NTM: variants seen among roughly 807,000 people sequenced by gnomAD.
NTM encodes IgLON family member 2.
NTM carries 13 observed loss-of-function variants against 42.1 expected under a neutral mutation model. The observed-to-expected ratio is 0.31, with a 90% CI of 0.20 to 0.49. NTM has a LOEUF of 0.49. Among genes scored for constraint, NTM ranks in the 20% least tolerant of loss-of-function variants. The pLI, the probability that NTM is intolerant of heterozygous loss-of-function variation, is 0.99. For missense variants in NTM, 373 were observed against 452.8 expected, an observed-to-expected ratio of 0.82 and a Z score of 1.60; for synonymous variants, 187 against 179.2, an observed-to-expected ratio of 1.04 and a Z score of -0.35.
At chr11:132,216,273 T>C (rs1464601383) in intron 4 of NTM, among the ~76,000 whole-genome samples, 2 of 152,214 alleles carry the variant, frequency 1.3e-5, no homozygotes, top group Admixed American at 1.3e-4. Context: ...TATTGTTATG[T>C]TACCAGTTTC....
intron 1 of NTM, among the ~76,000 whole-genome samples, chr11:131,825,992 A>C (rs927102861): frequency 6.6e-6 from 1 of 152,180 alleles, no homozygotes; most frequent in Non-Finnish European, 1.5e-5. Flanking sequence ...TTAATGCATA[A>C]ATTAAACCAT....
At chr11:131,818,371 A>G (rs922287629) in intron 1 of NTM, among the ~76,000 whole-genome samples, 2 of 152,186 alleles carry the variant, frequency 1.3e-5, no homozygotes, top group Non-Finnish European at 2.9e-5. Flanking sequence ...GACATAGACT[A>G]AAATCTCAAC....
At chr11:132,197,492 G>A (rs2080440749) in intron 3 of NTM, among the ~76,000 whole-genome samples, 1 of 151,632 alleles carries the variant, frequency 6.6e-6, no homozygotes, top group South Asian at 2.1e-4. Flanking sequence ...AAAGAGAGAT[G>A]TTTATTGATT....
intron 8 of NTM, among the ~76,000 whole-genome samples, chr11:132,334,565 GAC>G (rs1565509298): frequency 6.6e-6 from 1 of 152,226 alleles, no homozygotes; most frequent in African/African-American, 2.4e-5. Flanking sequence ...GCAGCAGGCA[GAC>G]ACATTGTTTT....
At chr11:131,551,453 C>A (rs1220648688) in intron 1 of NTM, among the ~76,000 whole-genome samples, 2 of 150,912 alleles carry the variant, frequency 1.3e-5, no homozygotes, top group African/African-American at 4.9e-5. Flanking sequence ...TTGCAATGAA[C>A]CTGGTATCTA....
intron 1 of NTM, among the ~76,000 whole-genome samples, chr11:131,767,906 G>A (rs959331114): frequency 3.9e-5 from 6 of 152,094 alleles, no homozygotes; most frequent in Non-Finnish European, 5.9e-5. Context: ...TCATTTGTAA[G>A]GTAGTTTTAG....
chr11:131,963,508 C>T (rs2062457883), intron 2 of NTM, among the ~76,000 whole-genome samples: 1 of 152,182 alleles, frequency 6.6e-6, no homozygotes, highest in Admixed American at 6.5e-5. Flanking sequence ...CCTCTTCTTG[C>T]AATATGTGCA....
In NTM at chr11:132,314,579, A is replaced by T; in HGVS notation, c.810A>T (p.Lys270Asn). 1 of 1,613,220 alleles carries T rather than the reference A, an allele frequency of 6.2e-7. No individual in the cohort carries two copies. The highest frequency in any genetic ancestry group is 8.5e-7 in the Non-Finnish European group (1 of 1,179,634). Residue 270 changes from lysine to asparagine, a missense_variant, in exon 7 of 9, where the codon AAA (lysine) becomes AAT (asparagine). Coordinates refer to ENST00000683400, the MANE Select transcript of NTM (RefSeq NM_001352005.2). ...TGATTGAAGGAAAGAAAGGGGTGAA[A>T]GTGGAAAACAGACCTTTCCTCTCAA... ...KRLIEGKKGV[K>N]VENRPFLSKL...
intron 2 of NTM, among the ~76,000 whole-genome samples, chr11:131,920,122 C>T (rs1403572322): frequency 1.3e-5 from 2 of 152,158 alleles, no homozygotes; most frequent in East Asian, 1.9e-4. Context: ...TTCTGTGGAG[C>T]AGGTTTTCTG....
At chr11:132,292,168 A>G (rs1172761592) in intron 4 of NTM, among the ~76,000 whole-genome samples, 2 of 152,206 alleles carry the variant, frequency 1.3e-5, no homozygotes, top group African/African-American at 4.8e-5. Flanking sequence ...ATAGAACAAA[A>G]GGAGGAATTG....
rs531006005 is a variant in NTM at position 131,510,759 on chromosome 11, A to G, written c.82+139871A>G. 3.3e-5 allele frequency among the ~76,000 whole-genome samples: 5 copies of G among 152,220 alleles called. No homozygotes were observed. The South Asian group carries it at 8.3e-4, about 25-fold the overall frequency. On this transcript the variant is annotated intron_variant, in intron 1 of 8. Transcript: ENST00000683400. ...TCTCTTTCTGTCTGCTCATTTCCCC[A>G]GTTTTGCAGTCAAGGTTTGTGCCCC...
chr11:131,372,475 C>A (rs1478416526), intron 1 of NTM, among the ~76,000 whole-genome samples: 1 of 151,992 alleles, frequency 6.6e-6, no homozygotes, highest in African/African-American at 2.4e-5. Context: ...TGTGTGTGCA[C>A]CCCTGCTTGT....
In NTM at chr11:132,253,525, C is replaced by T. The variant is rs140294648; in HGVS notation, c.526+41378C>T. ...CCTGTCTAGTTACATACAAGGACCA[C>T]TTATTGATTGAATGCTAGCTCTAGG... is the stretch of plus-strand genomic sequence containing the variant. On this transcript the variant is annotated intron_variant, in intron 4 of 8. Coordinates refer to ENST00000683400, the MANE Select transcript of NTM (RefSeq NM_001352005.2). 3.1e-3 allele frequency among the ~76,000 whole-genome samples: 473 copies of T among 152,294 alleles called. 4 individuals are homozygous for T. The highest frequency in any genetic ancestry group is 0.011 in the African/African-American group (447 of 41,560).
At chr11:131,952,482 T>A (rs1403057504) in intron 2 of NTM, among the ~76,000 whole-genome samples, 1 of 152,244 alleles carries the variant, frequency 6.6e-6, no homozygotes. Flanking sequence ...AATGCATACA[T>A]ACTTATGGGC....
At chr11:131,670,768 G>A (rs1296912358) in intron 1 of NTM, among the ~76,000 whole-genome samples, 3 of 152,190 alleles carry the variant, frequency 2.0e-5, no homozygotes, top group African/African-American at 7.2e-5. Context: ...CTGTCCGAGA[G>A]GCGTAGCCCT....
At chr11:131,841,074 C>T (rs561063221) in intron 1 of NTM, among the ~76,000 whole-genome samples, 1 of 152,276 alleles carries the variant, frequency 6.6e-6, no homozygotes, top group South Asian at 2.1e-4. Context: ...AGATTTAGTA[C>T]ACATTTTTAA....
chr11:131,613,989 C>T (rs1403531426), intron 1 of NTM, among the ~76,000 whole-genome samples: 3 of 152,146 alleles, frequency 2.0e-5, no homozygotes, highest in African/African-American at 7.2e-5. Context: ...CATGTTTTTC[C>T]CTCCCTGCTC....
intron 4 of NTM, among the ~76,000 whole-genome samples, chr11:132,273,309 G>GTTTTTTTT (rs57877862): frequency 9.0e-5 from 5 of 55,670 alleles, no homozygotes; most frequent in African/African-American, 8.9e-5. Context: ...GTTGACTAGT[G>GTTTTTTTT]TTTTTTTTTT....
chr11:131,394,591 G>A (rs1944351542), intron 1 of NTM, among the ~76,000 whole-genome samples: 1 of 152,142 alleles, frequency 6.6e-6, no homozygotes, highest in Non-Finnish European at 1.5e-5. Flanking sequence ...CCAGAATGCA[G>A]CAGCTCTGAG....
Sources: allele counts gnomAD v4.1 joint callset (sites outside exome capture counted in the v4.1 genomes callset), GRCh38; gene constraint gnomAD v4.1.1; transcripts MANE v1.5; gene names NCBI Gene and HGNC (gene_info 2026-07-23, HGNC 2026-07-21).